Variants in ZSCAN32 observed in about 807,000 individuals in gnomAD.
ZSCAN32 encodes the protein zinc finger and SCAN domain containing 32.
Under a neutral mutation model 47.4 loss-of-function variants are expected in ZSCAN32, and 52 were observed. The observed-to-expected ratio is 1.10, with a 90% CI of 0.88 to 1.38. The LOEUF is 1.38. Among genes scored for constraint, ZSCAN32 ranks in the 40% most tolerant of loss-of-function variants. The probability of loss-of-function intolerance (pLI) is 0.00; values close to 1 mark genes in which losing one functional copy is unlikely to be tolerated. For synonymous variants in ZSCAN32, 346 were observed against 305.7 expected (o/e 1.13, Z -1.38); for missense variants, 959 against 846.0 (o/e 1.13, Z -1.66).
At chr16:3,385,673 G>A (rs528041172) in intron 5 of ZSCAN32, among the ~76,000 whole-genome samples, 1 of 152,156 alleles carries the variant, frequency 6.6e-6, no homozygotes, top group Non-Finnish European at 1.5e-5. Context: ...TGACAAACCT[G>A]ACAAAAACAA....
chr16:3,391,710 A>C (rs1656578923), intron 3 of ZSCAN32, among the ~76,000 whole-genome samples: 1 of 151,672 alleles, frequency 6.6e-6, no homozygotes, highest in African/African-American at 2.4e-5. Context: ...AAATACTAAA[A>C]TCTCTTAGAC....
rs1466949122 is a variant in ZSCAN32, at chr16:3,382,729, G to A, written c.*123C>T. 3.9e-5 allele frequency: 57 copies of A among 1,448,426 alleles called. No homozygotes were observed. Among genetic ancestry groups the A allele is most frequent in the Non-Finnish European group, 5.2e-5 (57 of 1,090,006 alleles). 89.7% of individuals were successfully genotyped at this position (1,448,426 alleles called of 1,614,324 possible). On this transcript the variant is annotated 3_prime_UTR_variant, in exon 7 of 7. Coordinates refer to ENST00000396852, the MANE Select transcript of ZSCAN32 (RefSeq NM_001284527.2). ...TGCTGACTCCTGGTCCTAGACATGGGTCTTAAGATCCAGTAGTCAGTAGGT... is the reference window on the plus strand; with the variant it reads ...TGCTGACTCCTGGTCCTAGACATGGATCTTAAGATCCAGTAGTCAGTAGGT...
rs200697723 is a variant in ZSCAN32 at position 3,384,872 on chromosome 16, T to C, written c.821A>G (p.Tyr274Cys). The change falls in exon 6 of 7, where the codon TAT (tyrosine) becomes TGT (cysteine). Residue 274 changes from tyrosine (Y) to cysteine (C), a missense_variant. Transcript: ENST00000396852. ...LLAILSSSQF[Y>C]GKLQTCQQNS... ...CTGCTGACAGGTCTGGAGTTTTCCA[T>C]AAAATTGAGAACTACTAAGAATAGC... The C allele has an allele frequency of 6.2e-7, 1 of 1,614,144 alleles. No homozygotes were observed. Among genetic ancestry groups the C allele is most frequent in the East Asian group, 2.2e-5 (1 of 44,884 alleles).
intron 3 of ZSCAN32, among the ~76,000 whole-genome samples, chr16:3,393,156 ATATATATATATTTC>A (rs1407090396): frequency 1.2e-4 from 13 of 104,976 alleles, no homozygotes; most frequent in African/African-American, 4.4e-4. Context: ...ATGGAGAGAG[ATATATATATATTTC>A]TATATATATA....
chr16:3,392,375 A>ATTTTTTTTTTT (rs34506287), intron 3 of ZSCAN32, among the ~76,000 whole-genome samples: 1 of 129,396 alleles, frequency 7.7e-6, no homozygotes, highest in Non-Finnish European at 1.7e-5. Flanking sequence ...AATTAAAACA[A>ATTTTTTTTTTT]TTTTTTTTTT....
At chr16:3,398,528 C>A (rs1174015353) in intron 1 of ZSCAN32, among the ~76,000 whole-genome samples, 2 of 152,214 alleles carry the variant, frequency 1.3e-5, no homozygotes, top group Admixed American at 6.5e-5. Flanking sequence ...GTTCCCCTGT[C>A]TTGACAAACT....
rs554702042 is a variant in ZSCAN32, at chr16:3,383,913, A to C, written c.1235-202T>G. ...TTATTACAGGAAAATTATGCCCTAA[A>C]CTCCAACTTTTCTCCTATCTTTTTT... On this transcript the variant is annotated intron_variant, in intron 6 of 6. Coordinates refer to ENST00000396852, the MANE Select transcript of ZSCAN32 (RefSeq NM_001284527.2). The C allele has an allele frequency of 6.1e-5, 38 of 619,512 alleles. No homozygotes were observed. The South Asian group carries it at 8.3e-4, about 14-fold the overall frequency. The allele number at this position is 619,512 out of a possible 1,614,324, so 38.4% of individuals were successfully genotyped here. A position where few individuals can be genotyped will look rare whatever the true frequency, so the allele number is the denominator to read the frequency against.
Position 3,393,656 on chromosome 16 carries a change from C to G in ZSCAN32, c.525G>C (p.Gln175His). ...ACAGAGGCTTCTGCTTACCTTCTGA[C>G]TGTTCCCCTGGTCTTTGGTGTGAGC... ...SQSSHQRPGE[Q>H]SEAWLAPQAP... Residue 175 changes from glutamine to histidine, a missense_variant, in exon 3 of 7, where the codon CAG becomes CAC. By Grantham distance (24) the Gln-to-His change is conservative (BLOSUM62 0). Coordinates refer to ENST00000396852, the MANE Select transcript of ZSCAN32 (RefSeq NM_001284527.2). 6.5e-7 allele frequency: 1 copy of G among 1,546,704 alleles called. No individual in the cohort carries two copies. Among genetic ancestry groups the G allele is most frequent in the Non-Finnish European group, 8.7e-7 (1 of 1,145,090 alleles).
chr16:3,384,661 A>C lies in ZSCAN32; in HGVS notation c.1032T>G (p.Ser344=). Reference sequence around the variant, plus strand: ...CAGCATCGCTTGCCATAGGAGGTGCAGAGGCCCAGGAGCCTGAAAGAGCAT... The same window carrying C: ...CAGCATCGCTTGCCATAGGAGGTGCCGAGGCCCAGGAGCCTGAAAGAGCAT... The part of the protein sequence containing the change: ...EMNALSGSWA[S]APPMASDAVP... The change falls in exon 6 of 7, where the codon TCT becomes TCG. Residue 344 remains serine (S), a synonymous_variant. Coordinates refer to ENST00000396852, the MANE Select transcript of ZSCAN32 (RefSeq NM_001284527.2). 1 of 1,614,200 alleles carries C rather than the reference A, an allele frequency of 6.2e-7. No homozygotes were observed. The highest frequency in any genetic ancestry group is 8.5e-7 in the Non-Finnish European group (1 of 1,180,040).
At chr16:3,393,036 T>C (rs1230276221) in intron 3 of ZSCAN32, among the ~76,000 whole-genome samples, 1 of 147,610 alleles carries the variant, frequency 6.8e-6, no homozygotes, top group Middle Eastern at 3.4e-3. Context: ...CACCTGATTC[T>C]TTAGTAACAG....
chr16:3,389,955 C>A, intron 5 of ZSCAN32, 55 bp downstream of exon 5: 1 of 1,512,106 alleles, frequency 6.6e-7, no homozygotes, highest in South Asian at 1.3e-5. Context: ...TCCTTTCAGC[C>A]TCTCTGAACA....
Position 3,397,175 on chromosome 16 carries a change from C to G in ZSCAN32, c.366+17G>C. ...CTTCATAACCAAAACCACAAAGTTC[C>G]GACTTCCTTTTCTCACCTGTTGTCC... On this transcript the variant is annotated intron_variant, in intron 2 of 6. Transcript: ENST00000396852. The G allele has an allele frequency of 3.4e-6, 5 of 1,491,602 alleles. No homozygotes were observed. The highest frequency in any genetic ancestry group is 4.5e-6 in the Non-Finnish European group (5 of 1,120,154). The allele number at this position is 1,491,602 out of a possible 1,614,324, so 92.4% of individuals were successfully genotyped here.
intron 6 of ZSCAN32, 174 bp downstream of exon 6, chr16:3,384,284 TG>T: frequency 3.6e-6 from 3 of 842,396 alleles, no homozygotes; most frequent in Admixed American, 2.8e-5. Context: ...AAATCAGGGC[TG>T]TAAAATGCAA....
At chr16:3,387,861 T>C (rs2032201846) in intron 5 of ZSCAN32, among the ~76,000 whole-genome samples, 1 of 152,142 alleles carries the variant, frequency 6.6e-6, no homozygotes, top group Non-Finnish European at 1.5e-5. Flanking sequence ...TAGAAGTCTC[T>C]CCAGCAAAAA....
chr16:3,383,986 T>C (rs1169782811), intron 6 of ZSCAN32: 8 of 470,398 alleles, frequency 1.7e-5, no homozygotes, highest in Non-Finnish European at 3.0e-5. Flanking sequence ...TTAAGCACTA[T>C]ATCATCTGCC....
chr16:3,383,219 G>A lies in ZSCAN32; in HGVS notation c.1727C>T (p.Pro576Leu), dbSNP rs759491964. ...TTTCCCACATTGCCCACACTGATAG[G>A]GCCTCTCCCCTGTGTGAGTTCGTAG... ...AHLRTHTGER[P>L]YQCGQCGKSF... The change falls in exon 7 of 7, where the codon CCC (proline) becomes CTC (leucine). Residue 576 changes from proline (P) to leucine (L), a missense_variant. Coordinates refer to ENST00000396852, the MANE Select transcript of ZSCAN32 (RefSeq NM_001284527.2). The A allele has an allele frequency of 3.7e-6, 6 of 1,613,936 alleles. No individual in the cohort carries two copies. In the African/African-American group the frequency reaches 6.7e-5, roughly 18 times the overall value.
At chr16:3,395,364 C>T (rs1449515229) in intron 2 of ZSCAN32, among the ~76,000 whole-genome samples, 6 of 152,246 alleles carry the variant, frequency 3.9e-5, no homozygotes, top group African/African-American at 9.6e-5. Flanking sequence ...ATAATCCCCA[C>T]GTGTCATGGG....
intron 5 of ZSCAN32, among the ~76,000 whole-genome samples, chr16:3,386,275 A>G (rs1188510782): frequency 2.1e-4 from 32 of 152,210 alleles, no homozygotes; most frequent in Non-Finnish European, 1.5e-5. Context: ...GGCAATCATT[A>G]AAAAGTCAGG....
chr16:3,389,334 C>T (rs1338962441), intron 5 of ZSCAN32, among the ~76,000 whole-genome samples: 3 of 152,156 alleles, frequency 2.0e-5, no homozygotes, highest in Non-Finnish European at 2.9e-5. Flanking sequence ...TGTGTAGTCC[C>T]TCCCACCCTG....
Sources: allele counts gnomAD v4.1 joint callset (sites outside exome capture counted in the v4.1 genomes callset), GRCh38; gene constraint gnomAD v4.1.1; transcripts MANE v1.5; gene names NCBI Gene and HGNC (gene_info 2026-07-23, HGNC 2026-07-21).